Variants in HMCN1 observed in about 807,000 individuals in gnomAD.
The protein encoded by HMCN1 is hemicentin 1, also known as hemicentin-1.
In HMCN1, 321 loss-of-function variants were observed where a neutral mutation model predicts 625.9. The ratio of observed to expected loss-of-function variants is 0.51; its 90% CI spans 0.47 to 0.56. The LOEUF (loss-of-function observed/expected upper bound fraction) is 0.56, where lower values mean the gene tolerates loss of function less well. HMCN1 is among the 20% of genes least tolerant of loss of function. The pLI is 0.00. For synonymous variants in HMCN1, 2,425 were observed against 2,417.6 expected (o/e 1.00, Z -0.09); for missense variants, 6,588 against 6,887.3 (o/e 0.96, Z 1.54).
At chr1:186,067,244 T>G (rs1658179595) in intron 49 of HMCN1, among the ~76,000 whole-genome samples, 1 of 152,156 alleles carries the variant, frequency 6.6e-6, no homozygotes. Flanking sequence ...ACTTTATACC[T>G]TCCTTTAATG....
chr1:185,851,900 T>C (rs932134501), intron 2 of HMCN1, among the ~76,000 whole-genome samples: 2 of 152,036 alleles, frequency 1.3e-5, no homozygotes, highest in African/African-American at 2.4e-5. Context: ...TATAAATTGT[T>C]GATCCCCCAA....
rs879045830 is a variant in HMCN1 at position 186,045,947 on chromosome 1, T to C, written c.6480+84T>C. 7.9e-5 allele frequency: 76 copies of C among 965,096 alleles called. 1 individual carries two copies. The South Asian group carries it at 9.5e-4, about 12-fold the overall frequency. 59.8% of individuals were successfully genotyped at this position (965,096 alleles called of 1,614,324 possible). ...TTACCCTATTTAGCGTGACTGTCTT[T>C]TATAAGTGTTGGACTAATTTTCTCT... On this transcript the variant is annotated intron_variant, in intron 41 of 106. Transcript: ENST00000271588.
At chr1:185,865,172 T>C (rs74134305) in intron 3 of HMCN1, among the ~76,000 whole-genome samples, 2,570 of 152,338 alleles carry the variant, frequency 0.017, 77 homozygotes, top group African/African-American at 0.059. Flanking sequence ...TGCCTCATAG[T>C]TGTCTTACCC....
chr1:185,756,469 AC>A (rs1655139957), intron 1 of HMCN1, among the ~76,000 whole-genome samples: 1 of 148,676 alleles, frequency 6.7e-6, no homozygotes, highest in Non-Finnish European at 1.5e-5. Flanking sequence ...TCCTAATTTG[AC>A]CTCAGGGTAA....
intron 103 of HMCN1, chr1:186,177,197 T>C (rs749124386): frequency 1.1e-4 from 17 of 152,256 alleles, no homozygotes; most frequent in Non-Finnish European, 2.5e-4. Context: ...TTCCAGCTAC[T>C]TGGGAGGCTG....
intron 89 of HMCN1, among the ~76,000 whole-genome samples, chr1:186,139,124 G>A (rs1649799636): frequency 6.6e-6 from 1 of 152,162 alleles, no homozygotes; most frequent in Non-Finnish European, 1.5e-5. Context: ...TCACTACATT[G>A]GGTATTGCAT....
intron 42 of HMCN1, among the ~76,000 whole-genome samples, chr1:186,050,135 C>T (rs1169633606): frequency 6.6e-6 from 1 of 150,754 alleles, no homozygotes; most frequent in Non-Finnish European, 1.5e-5. Flanking sequence ...ATGGACAAGA[C>T]ACTAGGCTAA....
chr1:185,930,484 A>G (rs1231068031), intron 10 of HMCN1, among the ~76,000 whole-genome samples: 3 of 152,316 alleles, frequency 2.0e-5, no homozygotes, highest in East Asian at 1.9e-4. Context: ...ATTCGATCTT[A>G]TATTTTTAAA....
intron 1 of HMCN1, among the ~76,000 whole-genome samples, chr1:185,762,390 C>G (rs189455210): frequency 7.0e-4 from 106 of 152,270 alleles, no homozygotes; most frequent in Non-Finnish European, 7.8e-4. Flanking sequence ...GTACTTGTAA[C>G]TTGCATTAAG....
At chr1:185,896,104 T>C (rs770797583) in intron 4 of HMCN1, among the ~76,000 whole-genome samples, 5 of 151,894 alleles carry the variant, frequency 3.3e-5, no homozygotes, top group Non-Finnish European at 7.4e-5. Context: ...CCCGGCTAAC[T>C]TTTTTATATT....
At chr1:185,870,795 ACAGAGGCAGGGTAT>A (rs1185227846) in intron 4 of HMCN1, among the ~76,000 whole-genome samples, 2 of 152,180 alleles carry the variant, frequency 1.3e-5, no homozygotes, top group African/African-American at 2.4e-5. Context: ...ATTCTCTCTT[ACAGAGGCAGGGTAT>A]CAGTAACTGA....
intron 45 of HMCN1, 83 bp downstream of exon 45, chr1:186,055,757 T>A: frequency 7.7e-7 from 1 of 1,304,044 alleles, no homozygotes; most frequent in African/African-American, 1.5e-5. Flanking sequence ...CCTCAAGTAC[T>A]GAAAGTCATT....
Position 186,182,312 on chromosome 1 carries a change from T to C in HMCN1, c.16414+25T>C. On this transcript the variant is annotated intron_variant, in intron 105 of 106. Transcript: ENST00000271588. ...GGTGAGAAAACATTGGGATGTTTATTGTTGCAAACTTGACTAAAAACCAAC... is the reference window on the plus strand; with the variant it reads ...GGTGAGAAAACATTGGGATGTTTATCGTTGCAAACTTGACTAAAAACCAAC... 2.5e-6 allele frequency: 4 copies of C among 1,612,696 alleles called. No individual in the cohort carries two copies. In the East Asian group the frequency reaches 8.9e-5, roughly 36 times the overall value.
At chr1:186,069,639 C>T in intron 50 of HMCN1, 24 bp from the exon 51 acceptor site, 1 of 1,497,356 alleles carries the variant, frequency 6.7e-7, no homozygotes, top group Non-Finnish European at 9.3e-7. Flanking sequence ...TTTAGAGACT[C>T]TTTGATGTCC....
At chr1:186,032,060 A>C (rs1411190964) in intron 36 of HMCN1, among the ~76,000 whole-genome samples, 1 of 152,102 alleles carries the variant, frequency 6.6e-6, no homozygotes, top group African/African-American at 2.4e-5. Context: ...AAAAATAAAT[A>C]AATGGGATGA....
Position 186,020,273 on chromosome 1 carries a change from G to T in HMCN1, c.5625+578G>T, listed in dbSNP as rs74134287. ...TAGATAGATAGATAGATAGATGATA[G>T]ATTTCAAATCTGGATAATCTAAAGG... On this transcript the variant is annotated intron_variant, in intron 35 of 106. Transcript: ENST00000271588. Among the ~76,000 whole-genome samples the T allele has an allele frequency of 4.5e-3, 528 of 117,024 alleles. 1 individual carries two copies. The highest frequency in any genetic ancestry group is 0.018 in the Middle Eastern group (4 of 226). The allele number at this position is 117,024 out of a possible 152,430, so 76.8% of individuals were successfully genotyped here.
At position 186,115,855 on chromosome 1, in the gene HMCN1, AT is replaced by A. The variant is rs5779270; in HGVS notation, c.11561+453del. On this transcript the variant is annotated intron_variant, in intron 75 of 106. Coordinates refer to ENST00000271588, the MANE Select transcript of HMCN1 (RefSeq NM_031935.3). ...AGGGAGGAAAAACAGCATTTTCTCC[AT>A]TTTTTTTTTTTGCTTTTTTCCAAGC... Among the ~76,000 whole-genome samples the A allele has an allele frequency of 3.5e-3, 510 of 147,362 alleles. 11 individuals are homozygous for A. In the South Asian group the frequency reaches 0.042, roughly 12 times the overall value.
At chr1:185,994,038 A>G (rs192421939) in intron 23 of HMCN1, among the ~76,000 whole-genome samples, 15 of 152,268 alleles carry the variant, frequency 9.9e-5, no homozygotes, top group African/African-American at 3.6e-4. Context: ...TCCCTTTCAT[A>G]AAATGATGAT....
Position 186,023,044 on chromosome 1 carries a change from T to C in HMCN1, c.5640T>C (p.Gly1880=). The C allele has an allele frequency of 6.2e-7, 1 of 1,613,466 alleles. No homozygotes were observed. The highest frequency in any genetic ancestry group is 2.2e-5 in the East Asian group (1 of 44,804). Residue 1880 remains glycine (G), a synonymous_variant, in exon 36 of 107, where the codon GGT becomes GGC. Coordinates refer to ENST00000271588, the MANE Select transcript of HMCN1 (RefSeq NM_031935.3). The stretch of plus-strand genomic sequence containing the variant: ...CTCCCAATTAGATACAGTCTTCTGG[T>C]CGAGTTCTACAAATTGCCAAAACCC... ...AQGNLKIQSS[G]RVLQIAKTLL...
Sources: gnomAD v4.1 joint callset for allele counts (sites outside exome capture counted in the v4.1 genomes callset) on GRCh38, gnomAD v4.1.1 for gene constraint, MANE v1.5 for transcripts, NCBI Gene and HGNC (gene_info 2026-07-23, HGNC 2026-07-21) for gene names.